UQCRH: variants seen among roughly 807,000 people sequenced by gnomAD.
The protein encoded by UQCRH is cytochrome b-c1 complex subunit 6, mitochondrial.
UQCRH carries 14 observed loss-of-function variants against 16.3 expected under a neutral mutation model. The ratio of observed to expected loss-of-function variants is 0.86; its 90% CI spans 0.57 to 1.34. The LOEUF is 1.34. Among genes scored for constraint, UQCRH ranks in the 40% most tolerant of loss-of-function variants. The pLI, the probability that UQCRH is intolerant of heterozygous loss-of-function variation, is 0.00. For synonymous variants in UQCRH, 41 were observed against 41.9 expected, an observed-to-expected ratio of 0.98 and a Z score of 0.08; for missense variants, 89 against 111.9, an observed-to-expected ratio of 0.80 and a Z score of 0.92.
At chr1:46,309,867 C>T in intron 2 of UQCRH, 5 of 1,347,154 alleles carry the variant, frequency 3.7e-6, no homozygotes, top group Non-Finnish European at 4.8e-6. Flanking sequence ...TCAAGTTTGG[C>T]CAGGTTTCCT....
intron 1 of UQCRH, among the ~76,000 whole-genome samples, chr1:46,304,896 T>A (rs1160675041): frequency 6.6e-6 from 1 of 152,236 alleles, no homozygotes; most frequent in East Asian, 1.9e-4. Flanking sequence ...TAGTTGTTTC[T>A]AATCTCATTT....
chr1:46,306,790 A>G (rs1187192859), intron 1 of UQCRH, among the ~76,000 whole-genome samples: 4 of 152,238 alleles, frequency 2.6e-5, no homozygotes, highest in African/African-American at 9.6e-5. Flanking sequence ...GAGAATAAAT[A>G]GCCTGGATTC....
intron 3 of UQCRH, among the ~76,000 whole-genome samples, chr1:46,313,601 C>A (rs759606161): frequency 1.8e-4 from 28 of 151,988 alleles, no homozygotes; most frequent in Admixed American, 3.3e-4. Context: ...TGCACTCCAG[C>A]CTGGGCGACA....
rs1055742061 is a variant in UQCRH, at chr1:46,316,728, A to G, written c.*144A>G. 4.0e-5 allele frequency: 47 copies of G among 1,188,582 alleles called. No individual in the cohort carries two copies. The highest frequency in any genetic ancestry group is 5.4e-5 in the East Asian group (2 of 36,838). 73.6% of individuals were successfully genotyped at this position (1,188,582 alleles called of 1,614,324 possible). ...GGTTTGGCTTAGGCTGGTAGCTTCT[A>G]TGTAATTCGCAATGATTCCATCTAA... On this transcript the variant is annotated 3_prime_UTR_variant, in exon 4 of 4. Transcript: ENST00000311672.
At chr1:46,306,416 C>G (rs373693697) in intron 1 of UQCRH, among the ~76,000 whole-genome samples, 2 of 139,862 alleles carry the variant, frequency 1.4e-5, no homozygotes, top group East Asian at 2.1e-4. Flanking sequence ...GAGTCTCGCT[C>G]TTGCCTGGCT....
At chr1:46,303,911 A>G in intron 1 of UQCRH, 91 bp downstream of exon 1, 2 of 1,557,622 alleles carry the variant, frequency 1.3e-6, no homozygotes, top group South Asian at 1.1e-5. Flanking sequence ...CTTAGCCCCC[A>G]GTTTACCCTC....
chr1:46,315,975 G>A (rs1295786220), intron 3 of UQCRH, among the ~76,000 whole-genome samples: 1 of 152,158 alleles, frequency 6.6e-6, no homozygotes, highest in East Asian at 1.9e-4. Context: ...TTATGAGCCA[G>A]CATAGGAAAC....
chr1:46,311,666 C>T (rs1661479470), intron 3 of UQCRH, among the ~76,000 whole-genome samples: 3 of 150,754 alleles, frequency 2.0e-5, no homozygotes, highest in African/African-American at 7.3e-5. Flanking sequence ...GATCTCGGCT[C>T]ACTGCAAGCT....
chr1:46,314,035 T>A (rs965417373), intron 3 of UQCRH, among the ~76,000 whole-genome samples: 7 of 152,174 alleles, frequency 4.6e-5, no homozygotes, highest in African/African-American at 7.2e-5. Context: ...AAGATTTTTT[T>A]AAAATGTGCT....
intron 1 of UQCRH, 67 bp downstream of exon 1, chr1:46,303,887 A>G: frequency 6.2e-7 from 1 of 1,605,982 alleles, no homozygotes; most frequent in South Asian, 1.1e-5. Flanking sequence ...CCGCCAAAAC[A>G]CGCACGGGGC....
rs140722553 is a variant in UQCRH at position 46,313,642 on chromosome 1, C to CAGATAGATAGAT, written c.244-2876_244-2865dup. On this transcript the variant is annotated intron_variant, in intron 3 of 3. Coordinates refer to ENST00000311672, the MANE Select transcript of UQCRH (RefSeq NM_006004.4). The stretch of plus-strand genomic sequence containing the variant: ...AGACTTCATCTCAAAAAAATATAGA[C>CAGATAGATAGAT]AGATAGATAGATAGATAGATAGATA... Among the ~76,000 whole-genome samples the CAGATAGATAGAT allele has an allele frequency of 1.0e-3, 147 of 145,880 alleles. 1 individual carries two copies. The highest frequency in any genetic ancestry group is 3.5e-3 in the Middle Eastern group (1 of 282).
At chr1:46,315,790 G>C (rs4660920) in intron 3 of UQCRH, among the ~76,000 whole-genome samples, 100,670 of 151,964 alleles carry the variant, frequency 0.66, 34,335 homozygotes, top group East Asian at 0.79. Context: ...GATATGATTT[G>C]TATGAAATGT....
At chr1:46,303,893 G>C (rs1661309026) in intron 1 of UQCRH, 73 bp downstream of exon 1, 45 of 1,602,388 alleles carry the variant, frequency 2.8e-5, no homozygotes, top group Non-Finnish European at 3.8e-5. Context: ...AAACACGCAC[G>C]GGGCCCTCTT....
chr1:46,303,942 GCTCTAGTTC>G, intron 1 of UQCRH, 122 bp downstream of exon 1: 2 of 1,283,640 alleles, frequency 1.6e-6, no homozygotes, highest in Non-Finnish European at 2.2e-6. Flanking sequence ...ATAGTCGGGA[GCTCTAGTTC>G]CCTCGACCTT....
At chr1:46,308,294 C>CTA (rs1183116458) in intron 1 of UQCRH, among the ~76,000 whole-genome samples, 7 of 152,024 alleles carry the variant, frequency 4.6e-5, no homozygotes, top group Admixed American at 4.6e-4. Context: ...AAATGCAGAG[C>CTA]TATATGGGGA....
At chr1:46,310,806 G>T (rs1661455723) in intron 3 of UQCRH, among the ~76,000 whole-genome samples, 1 of 152,074 alleles carries the variant, frequency 6.6e-6, no homozygotes, top group Non-Finnish European at 1.5e-5. Flanking sequence ...GGTGGCTCAT[G>T]CCTGTAATCC....
Position 46,310,444 on chromosome 1 carries a change from C to T in UQCRH, c.243+128C>T, listed in dbSNP as rs569380852. The T allele has an allele frequency of 2.6e-4, 352 of 1,359,558 alleles. No individual in the cohort carries two copies. The African/African-American group carries it at 4.0e-3, about 15-fold the overall frequency. The allele number at this position is 1,359,558 out of a possible 1,614,324, so 84.2% of individuals were successfully genotyped here. On this transcript the variant is annotated intron_variant, in intron 3 of 3. Transcript: ENST00000311672. The stretch of plus-strand genomic sequence containing the variant: ...GGCCCAATATATGTGACATATGGTG[C>T]GCTGAGCATTTTATGTAAATAACCT...
chr1:46,307,978 G>A (rs1298047173), intron 1 of UQCRH, among the ~76,000 whole-genome samples: 1 of 152,166 alleles, frequency 6.6e-6, no homozygotes, highest in Non-Finnish European at 1.5e-5. Context: ...TGAACATCTG[G>A]CAGCTTGAAT....
At chr1:46,306,564 G>C (rs1481831063) in intron 1 of UQCRH, among the ~76,000 whole-genome samples, 1 of 151,808 alleles carries the variant, frequency 6.6e-6, no homozygotes, top group Admixed American at 6.6e-5. Context: ...AGTAGAGATG[G>C]GGTTTCACCA....
Sources: gnomAD v4.1 joint callset for allele counts (sites outside exome capture counted in the v4.1 genomes callset) on GRCh38, gnomAD v4.1.1 for gene constraint, MANE v1.5 for transcripts, NCBI Gene and HGNC (gene_info 2026-07-23, HGNC 2026-07-21) for gene names.